Variants in ALK observed in about 807,000 individuals in gnomAD.
ALK encodes the protein ALK receptor tyrosine kinase.
A neutral mutation model predicts 163.1 loss-of-function variants in ALK; 74 were observed. The ratio of observed to expected loss-of-function variants is 0.45; its 90% confidence interval spans 0.38 to 0.55. The LOEUF (loss-of-function observed/expected upper bound fraction) is 0.55, where lower values mean the gene tolerates loss of function less well. Among genes scored for constraint, ALK ranks in the 20% least tolerant of loss-of-function variants. The pLI is 0.00. For synonymous variants in ALK, 960 were observed against 843.2 expected (o/e 1.14, Z -2.40); for missense variants, 2,063 against 2,105.3 (o/e 0.98, Z 0.39).
At chr2:29,562,530 G>A (rs538673571) in intron 3 of ALK, among the ~76,000 whole-genome samples, 2 of 152,210 alleles carry the variant, frequency 1.3e-5, no homozygotes, top group East Asian at 3.9e-4. Flanking sequence ...CAGTACAGCA[G>A]GACAATTACA....
At chr2:29,477,173 C>T (rs4586600) in intron 4 of ALK, among the ~76,000 whole-genome samples, 76,814 of 151,822 alleles carry the variant, frequency 0.51, 20,489 homozygotes, top group South Asian at 0.62. Context: ...AGAGATACTT[C>T]CTGGGGTGGA....
At chr2:29,835,996 G>A (rs1394567563) in intron 1 of ALK, among the ~76,000 whole-genome samples, 10 of 152,184 alleles carry the variant, frequency 6.6e-5, no homozygotes, top group Middle Eastern at 3.4e-3. Context: ...AGACATCACC[G>A]AGGCACAACT....
intron 2 of ALK, among the ~76,000 whole-genome samples, chr2:29,705,807 T>C (rs576062027): frequency 6.6e-6 from 1 of 152,258 alleles, no homozygotes; most frequent in East Asian, 1.9e-4. Flanking sequence ...TTGCACACAA[T>C]TTGGCCTTAT....
chr2:29,276,171 C>T (rs901150124), intron 9 of ALK, among the ~76,000 whole-genome samples: 2 of 152,172 alleles, frequency 1.3e-5, no homozygotes, highest in African/African-American at 4.8e-5. Context: ...TCCTGGGTTT[C>T]ATCCAGCATC....
intron 4 of ALK, among the ~76,000 whole-genome samples, chr2:29,452,140 C>T (rs386465947): frequency 3.9e-5 from 6 of 152,272 alleles, no homozygotes; most frequent in Admixed American, 6.5e-5. Flanking sequence ...CACTTACAGA[C>T]GTCACTTGAT....
At chr2:29,735,358 GA>G (rs1679861489) in intron 1 of ALK, among the ~76,000 whole-genome samples, 1 of 152,072 alleles carries the variant, frequency 6.6e-6, no homozygotes, top group Non-Finnish European at 1.5e-5. Flanking sequence ...AAGTGTTTGT[GA>G]ACAATCACAG....
At chr2:29,369,912 T>C (rs1425660076) in intron 5 of ALK, among the ~76,000 whole-genome samples, 3 of 151,944 alleles carry the variant, frequency 2.0e-5, no homozygotes, top group Admixed American at 2.0e-4. Flanking sequence ...ACAGGAAGAA[T>C]AGAATGGAGA....
intron 3 of ALK, among the ~76,000 whole-genome samples, chr2:29,670,145 T>C (rs1677638197): frequency 6.6e-6 from 1 of 152,074 alleles, no homozygotes; most frequent in African/African-American, 2.4e-5. Flanking sequence ...TGCATGTTAG[T>C]GTTTATTTTT....
chr2:29,539,257 C>A (rs188361236), intron 3 of ALK, among the ~76,000 whole-genome samples: 2 of 152,256 alleles, frequency 1.3e-5, no homozygotes, highest in East Asian at 3.9e-4. Flanking sequence ...GCATTCTACT[C>A]CAAGCAGGAT....
intron 1 of ALK, among the ~76,000 whole-genome samples, chr2:29,885,868 G>A (rs1474489809): frequency 6.6e-6 from 1 of 152,196 alleles, no homozygotes; most frequent in African/African-American, 2.4e-5. Context: ...AATTGATATT[G>A]TATAGAAACA....
chr2:29,389,654 G>A (rs543698594), intron 4 of ALK, among the ~76,000 whole-genome samples: 7 of 152,282 alleles, frequency 4.6e-5, no homozygotes, highest in Middle Eastern at 3.4e-3. Flanking sequence ...TAAATCAGAC[G>A]AGTTTCTGAC....
intron 3 of ALK, among the ~76,000 whole-genome samples, chr2:29,577,843 T>C (rs948461582): frequency 2.0e-5 from 3 of 152,220 alleles, no homozygotes; most frequent in African/African-American, 4.8e-5. Context: ...AGCCAATTCG[T>C]CAGACACCCA....
At chr2:29,216,929 T>A (rs967766783) in intron 23 of ALK, among the ~76,000 whole-genome samples, 3 of 84,950 alleles carry the variant, frequency 3.5e-5, no homozygotes, top group African/African-American at 1.0e-4. Context: ...TTATGGTGTG[T>A]GGGGGGTGTG....
At chr2:29,847,504 G>C (rs1459446825) in intron 1 of ALK, among the ~76,000 whole-genome samples, 1 of 152,138 alleles carries the variant, frequency 6.6e-6, no homozygotes, top group Non-Finnish European at 1.5e-5. Context: ...AGACAAGCAG[G>C]AAGTACTGAC....
chr2:29,628,503 A>T (rs1227904547), intron 3 of ALK, among the ~76,000 whole-genome samples: 1 of 152,316 alleles, frequency 6.6e-6, no homozygotes, highest in East Asian at 1.9e-4. Flanking sequence ...CATATGGAGG[A>T]GTTTTCTTGG....
At chr2:29,763,086 CAAAAAAAAAA>C (rs1034835014) in intron 1 of ALK, among the ~76,000 whole-genome samples, 7 of 53,094 alleles carry the variant, frequency 1.3e-4, no homozygotes, top group African/African-American at 1.3e-4. Flanking sequence ...GACTCCATCT[CAAAAAAAAAA>C]AAAAAAAAAA....
At chr2:29,745,836 G>A (rs533751498) in intron 1 of ALK, among the ~76,000 whole-genome samples, 1 of 152,230 alleles carries the variant, frequency 6.6e-6, no homozygotes, top group South Asian at 2.1e-4. Context: ...AATATTTGTT[G>A]GATGGACAAA....
chr2:29,818,237 T>TTC (rs1264452588), intron 1 of ALK, among the ~76,000 whole-genome samples: 2 of 152,208 alleles, frequency 1.3e-5, no homozygotes, highest in Admixed American at 6.5e-5. Flanking sequence ...CACTGCTGTT[T>TTC]TCTCTCTCTC....
intron 3 of ALK, among the ~76,000 whole-genome samples, chr2:29,621,492 ACT>A (rs1376322092): frequency 6.6e-6 from 1 of 152,190 alleles, no homozygotes; most frequent in Non-Finnish European, 1.5e-5. Context: ...ATCCCAGGAC[ACT>A]GATTTCACAC....
Sources: gnomAD v4.1 joint callset for allele counts (sites outside exome capture counted in the v4.1 genomes callset) on GRCh38, gnomAD v4.1.1 for gene constraint, MANE v1.5 for transcripts, NCBI Gene and HGNC (gene_info 2026-07-23, HGNC 2026-07-21) for gene names.